PDE4D: variants seen among roughly 807,000 people sequenced by gnomAD.
PDE4D encodes phosphodiesterase 4D.
A neutral mutation model predicts 87.4 loss-of-function variants in PDE4D; 24 were observed. The ratio of observed to expected loss-of-function variants is 0.27; its 90% CI spans 0.20 to 0.39. The LOEUF is 0.39. Among genes scored for constraint, PDE4D ranks in the 10% least tolerant of loss-of-function variants. PDE4D has a pLI of 1.00. For missense variants in PDE4D, 714 were observed against 1,041.0 expected (o/e 0.69, Z 4.32); for synonymous variants, 384 against 383.2 (o/e 1.00, Z -0.02).
intron 1 of PDE4D, among the ~76,000 whole-genome samples, chr5:59,569,805 C>G (rs1184176698): frequency 6.6e-6 from 1 of 152,146 alleles, no homozygotes; most frequent in Non-Finnish European, 1.5e-5. Flanking sequence ...CCTCTCTTGT[C>G]ACTCTCCTGA....
At chr5:59,709,264 C>G (rs1753871280) in intron 1 of PDE4D, among the ~76,000 whole-genome samples, 1 of 152,158 alleles carries the variant, frequency 6.6e-6, no homozygotes, top group Admixed American at 6.6e-5. Flanking sequence ...CCTAAGAACT[C>G]TTCTCTATAA....
At chr5:60,172,108 A>AT (rs1311009161) in intron 2 of PDE4D, among the ~76,000 whole-genome samples, 1 of 147,296 alleles carries the variant, frequency 6.8e-6, no homozygotes, top group East Asian at 2.0e-4. Context: ...GTGAATATAT[A>AT]TATATTATAT....
rs118020244 is a variant in PDE4D, at chr5:59,673,441, A to G, written c.455+219727T>C. Among the ~76,000 whole-genome samples the G allele has an allele frequency of 5.9e-5, 9 of 152,328 alleles. No homozygotes were observed. The East Asian group carries it at 1.7e-3, about 29-fold the overall frequency. ...TTTGTCCTCAGTAATGATTATTTCA[A>G]TATACTGTTTACAAACCCAATCGTT... On this transcript the variant is annotated intron_variant, in intron 1 of 14. Coordinates refer to ENST00000340635, the MANE Select transcript of PDE4D (RefSeq NM_001104631.2).
intron 6 of PDE4D, among the ~76,000 whole-genome samples, chr5:59,031,503 C>T (rs1163311694): frequency 4.1e-5 from 6 of 146,862 alleles, no homozygotes; most frequent in Non-Finnish European, 7.5e-5. Context: ...GTCAGGAGAT[C>T]GAGACCATCC....
At chr5:59,227,240 A>G (rs1753995061) in intron 1 of PDE4D, among the ~76,000 whole-genome samples, 1 of 152,214 alleles carries the variant, frequency 6.6e-6, no homozygotes, top group Non-Finnish European at 1.5e-5. Flanking sequence ...AGTGGGGCTC[A>G]AGATGGATTA....
At chr5:59,484,173 G>T (rs1804722688) in intron 1 of PDE4D, among the ~76,000 whole-genome samples, 1 of 152,160 alleles carries the variant, frequency 6.6e-6, no homozygotes, top group Non-Finnish European at 1.5e-5. Flanking sequence ...TTCCACTAGG[G>T]TCTAGGCTTT....
In PDE4D at chr5:60,340,014, A is replaced by G. The variant is rs192194915; in HGVS notation, c.-90+147928T>C. The stretch of plus-strand genomic sequence containing the variant: ...GGCCTCTGCCTTGAACCAAACCTCA[A>G]TAAGCCAGATTATAAACCAGCCAAA... On this transcript the variant is annotated intron_variant, in intron 1 of 16. Coordinates refer to the PDE4D transcript ENST00000502484. Among the ~76,000 whole-genome samples the G allele has an allele frequency of 3.9e-5, 6 of 152,350 alleles. No individual in the cohort carries two copies. The East Asian group carries it at 9.7e-4, about 25-fold the overall frequency.
chr5:60,184,423 T>C (rs1350512040), intron 2 of PDE4D, among the ~76,000 whole-genome samples: 1 of 152,172 alleles, frequency 6.6e-6, no homozygotes, highest in Non-Finnish European at 1.5e-5. Context: ...TGTATGATGA[T>C]AAAAGGAATT....
chr5:59,106,311 T>A (rs1771568530), intron 5 of PDE4D, among the ~76,000 whole-genome samples: 2 of 152,224 alleles, frequency 1.3e-5, no homozygotes, highest in South Asian at 4.1e-4. Flanking sequence ...GACTAATTGA[T>A]AGAGAGGGCA....
chr5:60,389,059 T>C (rs1699565677), intron 1 of PDE4D, among the ~76,000 whole-genome samples: 1 of 152,226 alleles, frequency 6.6e-6, no homozygotes, highest in Non-Finnish European at 1.5e-5. Flanking sequence ...TGATATAGAA[T>C]ATCATATAGA....
At chr5:59,477,357 A>T (rs1490493237) in intron 1 of PDE4D, among the ~76,000 whole-genome samples, 2 of 130,666 alleles carry the variant, frequency 1.5e-5, no homozygotes, top group Non-Finnish European at 3.2e-5. Flanking sequence ...GTATAATAAA[A>T]AAAAAAAAAA....
At chr5:60,456,135 G>C (rs1045820648) in intron 1 of PDE4D, among the ~76,000 whole-genome samples, 1 of 152,180 alleles carries the variant, frequency 6.6e-6, no homozygotes, top group Non-Finnish European at 1.5e-5. Context: ...CGGGAGATGA[G>C]AACTCAAGAG....
At chr5:59,207,560 T>C (rs1160242016) in intron 2 of PDE4D, among the ~76,000 whole-genome samples, 1 of 152,174 alleles carries the variant, frequency 6.6e-6, no homozygotes, top group Non-Finnish European at 1.5e-5. Context: ...AGAGATTGCA[T>C]TCTTTTGGTA....
intron 3 of PDE4D, among the ~76,000 whole-genome samples, chr5:59,961,082 T>C (rs556609397): frequency 1.3e-5 from 2 of 152,238 alleles, no homozygotes; most frequent in Admixed American, 1.3e-4. Context: ...AGAAAAATTG[T>C]AACTTCTGTA....
chr5:59,502,832 T>C (rs1409020107), intron 1 of PDE4D, among the ~76,000 whole-genome samples: 2 of 151,802 alleles, frequency 1.3e-5, no homozygotes, highest in African/African-American at 4.8e-5. Flanking sequence ...CAAACTAACA[T>C]CTGATTCCAC....
chr5:60,250,617 A>G (rs751292725), intron 1 of PDE4D, among the ~76,000 whole-genome samples: 1 of 152,010 alleles, frequency 6.6e-6, no homozygotes, highest in Non-Finnish European at 1.5e-5. Flanking sequence ...GGAAAGCAGT[A>G]CTTATATGTT....
intron 1 of PDE4D, among the ~76,000 whole-genome samples, chr5:60,366,301 C>A (rs1326824133): frequency 6.6e-6 from 1 of 151,796 alleles, no homozygotes; most frequent in African/African-American, 2.4e-5. Context: ...TGTAGGACAC[C>A]AAGCAATTTG....
At chr5:59,631,912 A>G (rs947210598) in intron 1 of PDE4D, among the ~76,000 whole-genome samples, 1 of 152,156 alleles carries the variant, frequency 6.6e-6, no homozygotes, top group African/African-American at 2.4e-5. Flanking sequence ...ATCCCCTGGA[A>G]GGGGGCTGAA....
chr5:59,214,136 C>G (rs1750728702), intron 2 of PDE4D, among the ~76,000 whole-genome samples: 2 of 151,798 alleles, frequency 1.3e-5, no homozygotes, highest in South Asian at 4.2e-4. Flanking sequence ...CCATCACTCC[C>G]TTGACTTAGG....
Sources: gnomAD v4.1 joint callset for allele counts (sites outside exome capture counted in the v4.1 genomes callset) on GRCh38, gnomAD v4.1.1 for gene constraint, MANE v1.5 for transcripts, NCBI Gene and HGNC (gene_info 2026-07-23, HGNC 2026-07-21) for gene names.